Variants in UBE3D observed in about 807,000 individuals in gnomAD.
UBE3D encodes the protein E3 ubiquitin-protein ligase E3D.
Under a neutral mutation model 49.6 loss-of-function variants are expected in UBE3D, and 48 were observed. The observed-to-expected ratio is 0.97, with a 90% CI of 0.77 to 1.23. The LOEUF is 1.23. Ranked by LOEUF, UBE3D falls within the 50% of genes most tolerant of loss-of-function variation. UBE3D has a pLI of 0.00. For synonymous variants in UBE3D, 189 were observed against 174.2 expected, an observed-to-expected ratio of 1.08 and a Z score of -0.67; for missense variants, 452 against 468.4, an observed-to-expected ratio of 0.96 and a Z score of 0.32.
intron 9 of UBE3D, among the ~76,000 whole-genome samples, chr6:82,950,716 C>G (rs1775728169): frequency 6.6e-6 from 1 of 152,114 alleles, no homozygotes. Flanking sequence ...TGTCCATCAA[C>G]AGATGAATGA....
At chr6:83,042,412 T>C (rs1257101586) in intron 4 of UBE3D, among the ~76,000 whole-genome samples, 1 of 152,270 alleles carries the variant, frequency 6.6e-6, no homozygotes, top group Non-Finnish European at 1.5e-5. Context: ...TTGTTTGTGC[T>C]GTTTTTAAAA....
intron 9 of UBE3D, among the ~76,000 whole-genome samples, chr6:82,914,434 G>A (rs1049396396): frequency 6.6e-6 from 1 of 152,156 alleles, no homozygotes; most frequent in Admixed American, 6.5e-5. Flanking sequence ...AGAGCAATTA[G>A]ACCAGTGGTT....
chr6:82,955,844 C>A (rs1288899926), intron 9 of UBE3D, among the ~76,000 whole-genome samples: 1 of 152,150 alleles, frequency 6.6e-6, no homozygotes. Flanking sequence ...CCAATTCAAT[C>A]CATTGCTCCA....
intron 2 of UBE3D, among the ~76,000 whole-genome samples, chr6:83,055,332 G>A (rs1043637107): frequency 3.3e-5 from 5 of 152,150 alleles, no homozygotes; most frequent in Non-Finnish European, 5.9e-5. Context: ...TTTGGTTTGT[G>A]TTTTTCTGTA....
At position 82,975,352 on chromosome 6, in the gene UBE3D, C is replaced by T. The variant is rs776059907; in HGVS notation, c.1011-17902G>A. Reference sequence around the variant, plus strand: ...AGTTTTAAAAAAATAAAGAACGGCACGTATAACTTCACTTAGCTTATGCAA... The same window carrying T: ...AGTTTTAAAAAAATAAAGAACGGCATGTATAACTTCACTTAGCTTATGCAA... On this transcript the variant is annotated intron_variant, in intron 8 of 9. Coordinates refer to ENST00000369747, the MANE Select transcript of UBE3D (RefSeq NM_198920.3). 5.9e-5 allele frequency among the ~76,000 whole-genome samples: 9 copies of T among 152,124 alleles called. No homozygotes were observed. In the East Asian group the frequency reaches 9.7e-4, roughly 16 times the overall value.
At chr6:82,932,165 C>A (rs1375633400) in intron 9 of UBE3D, among the ~76,000 whole-genome samples, 1 of 152,138 alleles carries the variant, frequency 6.6e-6, no homozygotes, top group Non-Finnish European at 1.5e-5. Context: ...AATTAAACCT[C>A]TTTTCTTTAT....
chr6:82,987,305 C>T (rs766875769), intron 8 of UBE3D, among the ~76,000 whole-genome samples: 6 of 152,156 alleles, frequency 3.9e-5, no homozygotes, highest in South Asian at 2.1e-4. Context: ...TGAGCCTCCA[C>T]GCCTCACCTA....
intron 3 of UBE3D, among the ~76,000 whole-genome samples, chr6:83,046,696 G>C (rs1783082873): frequency 6.7e-6 from 1 of 148,182 alleles, no homozygotes; most frequent in Non-Finnish European, 1.5e-5. Flanking sequence ...GGTGGCACCG[G>C]GGGAGCAGTA....
At chr6:83,019,259 A>T (rs1780917247) in intron 7 of UBE3D, 123 bp from the exon 8 acceptor site, 4 of 940,712 alleles carry the variant, frequency 4.3e-6, no homozygotes, top group Non-Finnish European at 5.9e-6. Context: ...AGAATCATGT[A>T]CATAATTTTA....
At chr6:82,949,322 A>G (rs139058281) in intron 9 of UBE3D, among the ~76,000 whole-genome samples, 144 of 152,120 alleles carry the variant, frequency 9.5e-4, no homozygotes, top group African/African-American at 3.0e-3. Context: ...GAAATAAAAG[A>G]TCTCTACAAT....
intron 3 of UBE3D, among the ~76,000 whole-genome samples, chr6:83,044,945 C>T (rs1023513945): frequency 6.6e-6 from 1 of 152,208 alleles, no homozygotes; most frequent in Non-Finnish European, 1.5e-5. Context: ...GTACATATCA[C>T]ACGAAGTTTG....
chr6:83,010,806 C>T (rs1425636905), intron 8 of UBE3D, among the ~76,000 whole-genome samples: 1 of 152,128 alleles, frequency 6.6e-6, no homozygotes, highest in Non-Finnish European at 1.5e-5. Flanking sequence ...GCTTTATATT[C>T]CAGCCATGCT....
In UBE3D at chr6:82,939,880, A is replaced by T. The variant is rs1271208738; in HGVS notation, c.1149+17432T>A. Among the ~76,000 whole-genome samples, 4 of 152,308 alleles carry T rather than the reference A, an allele frequency of 2.6e-5. No individual in the cohort carries two copies. The East Asian group carries it at 7.7e-4, about 29-fold the overall frequency. On this transcript the variant is annotated intron_variant, in intron 9 of 9. Coordinates refer to ENST00000369747, the MANE Select transcript of UBE3D (RefSeq NM_198920.3). Reference sequence around the variant, plus strand: ...CAAGAAACATAATTATAGACTTAGTAAGCTATACATCATCCCTGCTTCTCT... The same window carrying T: ...CAAGAAACATAATTATAGACTTAGTTAGCTATACATCATCCCTGCTTCTCT...
At chr6:82,996,340 AAATAAATAAATAAAT>A (rs1554199599) in intron 8 of UBE3D, among the ~76,000 whole-genome samples, 1 of 131,102 alleles carries the variant, frequency 7.6e-6, no homozygotes, top group Non-Finnish European at 1.7e-5. Flanking sequence ...ATAAATAAAT[AAATAAATAAATAAAT>A]AAAATCATAG....
At chr6:82,910,976 A>C (rs1213271063) in intron 9 of UBE3D, among the ~76,000 whole-genome samples, 2 of 152,122 alleles carry the variant, frequency 1.3e-5, no homozygotes, top group African/African-American at 4.8e-5. Flanking sequence ...TAATCCCACC[A>C]GATCACCTAT....
chr6:83,026,425 G>T (rs1469592194), intron 5 of UBE3D, among the ~76,000 whole-genome samples: 1 of 152,026 alleles, frequency 6.6e-6, no homozygotes, highest in African/African-American at 2.4e-5. Context: ...GAGAGACAGA[G>T]TAAGATCCCA....
intron 3 of UBE3D, among the ~76,000 whole-genome samples, chr6:83,045,802 T>C (rs1782985277): frequency 6.6e-6 from 1 of 152,208 alleles, no homozygotes; most frequent in Non-Finnish European, 1.5e-5. Context: ...TCCACCTGTT[T>C]TTCCACTAAT....
chr6:83,065,799 G>A lies in UBE3D; in HGVS notation c.-81C>T. On this transcript the variant is annotated 5_prime_UTR_variant, in exon 1 of 10. Coordinates refer to ENST00000369747, the MANE Select transcript of UBE3D (RefSeq NM_198920.3). ...AACAGGACCAGGAGAGGTTCCACGT[G>A]CGGACCAACCAGCGGCAGCCCCGCT... 1 of 1,413,448 alleles carries A rather than the reference G, an allele frequency of 7.1e-7. No homozygotes were observed. Among genetic ancestry groups the A allele is most frequent in the South Asian group, 1.2e-5 (1 of 80,738 alleles). The allele number at this position is 1,413,448 out of a possible 1,614,324, so 87.6% of individuals were successfully genotyped here.
At chr6:83,053,648 C>A (rs1375693601) in intron 3 of UBE3D, among the ~76,000 whole-genome samples, 3 of 152,146 alleles carry the variant, frequency 2.0e-5, no homozygotes, top group African/African-American at 7.2e-5. Flanking sequence ...GAATAAATGA[C>A]AAAATTAACC....
Sources: gnomAD v4.1 joint callset for allele counts (sites outside exome capture counted in the v4.1 genomes callset) on GRCh38, gnomAD v4.1.1 for gene constraint, MANE v1.5 for transcripts, NCBI Gene and HGNC (gene_info 2026-07-23, HGNC 2026-07-21) for gene names.